ZNF567: variants seen among roughly 807,000 people sequenced by gnomAD.
The protein encoded by ZNF567 is zinc finger protein 567.
A neutral mutation model predicts 53.9 loss-of-function variants in ZNF567; 36 were observed. The observed-to-expected ratio is 0.67, with a 90% CI of 0.51 to 0.88. The LOEUF is 0.88. Among genes scored for constraint, ZNF567 ranks in the 40% least tolerant of loss-of-function variants. The pLI is 0.00. For missense variants in ZNF567, 619 were observed against 764.7 expected, an observed-to-expected ratio of 0.81 and a Z score of 2.25; for synonymous variants, 224 against 260.4, an observed-to-expected ratio of 0.86 and a Z score of 1.35.
Position 36,719,101 on chromosome 19 carries a change from A to T in ZNF567, c.377A>T (p.Asn126Ile). 1.2e-6 allele frequency: 2 copies of T among 1,611,440 alleles called. No homozygotes were observed. Among genetic ancestry groups the T allele is most frequent in the African/African-American group, 2.7e-5 (2 of 74,876 alleles). Residue 126 changes from asparagine to isoleucine, a missense_variant, in exon 6 of 6, where the codon AAT becomes ATT. Transcript: ENST00000682579. Reference protein sequence around the residue: ...KTFTLGKNPVNSKNLPPEYDT... With the variant: ...KTFTLGKNPVISKNLPPEYDT... ...TTTACTCTAGGCAAAAACCCTGTGA[A>T]TTCAAAAAATCTACCTCCTGAATAT...
rs567057750 is a variant in ZNF567 at position 36,702,419 on chromosome 19, C to T, written c.9+7543C>T. Among the ~76,000 whole-genome samples, 1,310 of 151,694 alleles carry T rather than the reference C, an allele frequency of 8.6e-3. 5 individuals carry two copies. Among genetic ancestry groups the T allele is most frequent in the Non-Finnish European group, 0.014 (940 of 67,866 alleles). ...TTATGTGTCTTGGAGTTGCTCTTCT[C>T]GAGGAGTATCTTTGTGGCATTCTCT... On this transcript the variant is annotated intron_variant, in intron 3 of 5. Transcript: ENST00000682579.
intron 3 of ZNF567, among the ~76,000 whole-genome samples, chr19:36,697,888 G>A (rs149711164): frequency 1.5e-3 from 227 of 151,038 alleles, no homozygotes; most frequent in Non-Finnish European, 2.7e-3. Context: ...TGGCATTACA[G>A]GTGTGAGCCA....
the ZNF567 span, among the ~76,000 whole-genome samples, chr19:36,673,392 G>T: frequency 1.3e-5 from 2 of 152,154 alleles, no homozygotes; most frequent in African/African-American, 2.4e-5. Context: ...TTCTGTGAAA[G>T]GTGTTTTTTT....
chr19:36,727,382 A>AT (rs566213603), downstream of ZNF567: 43,871 of 136,396 alleles, frequency 0.32, 6,996 homozygotes, highest in East Asian at 0.58. Flanking sequence ...AAGTAGAGCA[A>AT]TTTTTTTTTT....
intron 5 of ZNF567, chr19:36,714,436 A>G (rs562889669): frequency 7.3e-5 from 29 of 398,416 alleles, no homozygotes; most frequent in Middle Eastern, 1.3e-3. Flanking sequence ...TGCTGGGATT[A>G]CAGGCTTGAG....
At chr19:36,712,540 G>A (rs2039843830) in intron 4 of ZNF567, 28 bp downstream of exon 4, 8 of 1,613,808 alleles carry the variant, frequency 5.0e-6, no homozygotes, top group Non-Finnish European at 6.8e-6. Context: ...TGAAACTTTA[G>A]TAGCATGCAC....
At chr19:36,676,434 G>C in the ZNF567 span, among the ~76,000 whole-genome samples, 1 of 151,170 alleles carries the variant, frequency 6.6e-6, no homozygotes, top group African/African-American at 2.4e-5. Context: ...TTTTAAACTA[G>C]TATATTCCTG....
At chr19:36,693,197 A>G (rs1341938534) in intron 2 of ZNF567, among the ~76,000 whole-genome samples, 1 of 151,968 alleles carries the variant, frequency 6.6e-6, no homozygotes, top group Non-Finnish European at 1.5e-5. Flanking sequence ...CTGAGATAGG[A>G]GGATCACTTG....
At chr19:36,725,846 C>T (rs1489149970), downstream of ZNF567, among the ~76,000 whole-genome samples, 2 of 152,136 alleles carry the variant, frequency 1.3e-5, no homozygotes, top group East Asian at 1.9e-4. Context: ...ATGGTATCAC[C>T]GTGTTGTCCA....
At chr19:36,705,810 T>G in intron 3 of ZNF567, among the ~76,000 whole-genome samples, 1 of 152,234 alleles carries the variant, frequency 6.6e-6, no homozygotes, top group East Asian at 1.9e-4. Flanking sequence ...CATTTATATT[T>G]AGGATTGTTG....
chr19:36,677,279 G>A, the ZNF567 span, among the ~76,000 whole-genome samples: 1 of 149,694 alleles, frequency 6.7e-6, no homozygotes, highest in East Asian at 2.0e-4. Context: ...CCAACATAGT[G>A]AAACCCTGTC....
At chr19:36,723,349 C>A, downstream of ZNF567, 1 of 679,570 alleles carries the variant, frequency 1.5e-6, no homozygotes, top group Non-Finnish European at 2.7e-6. Context: ...TCTGTGGCAT[C>A]ACTGCATGTG....
chr19:36,686,841 C>T (rs1463183379), upstream of ZNF567: 1 of 152,164 alleles, frequency 6.6e-6, no homozygotes, highest in Non-Finnish European at 1.5e-5. Flanking sequence ...GCTGGGAACT[C>T]AGAGATGCAG....
chr19:36,693,742 C>CT (rs1221259522), intron 2 of ZNF567, among the ~76,000 whole-genome samples: 1 of 152,114 alleles, frequency 6.6e-6, no homozygotes, highest in East Asian at 1.9e-4. Context: ...CCCAGCTCTA[C>CT]TTAGATATAT....
chr19:36,719,024 C>G lies in ZNF567; in HGVS notation c.300C>G (p.Ser100Arg), dbSNP rs2040193849. Residue 100 changes from serine (S) to arginine (R), a missense_variant, in exon 6 of 6, where the codon AGC becomes AGG. Physicochemically the swap from Ser to Arg is moderately radical, Grantham distance 110. Coordinates refer to ENST00000682579, the MANE Select transcript of ZNF567 (RefSeq NM_001322917.1). ...HQEKYSRSVV[S>R]INHKKLVKEK... ...AGAAGTATTCTAGATCAGTTGTAAG[C>G]ATCAACCACAAAAAACTGGTGAAGG... The G allele has an allele frequency of 6.2e-7, 1 of 1,610,408 alleles. No homozygotes were observed. Among genetic ancestry groups the G allele is most frequent in the Non-Finnish European group, 8.5e-7 (1 of 1,178,862 alleles).
chr19:36,682,660 A>T (rs1173479234), upstream of ZNF567, among the ~76,000 whole-genome samples: 2 of 140,300 alleles, frequency 1.4e-5, no homozygotes, highest in African/African-American at 2.7e-5. Context: ...CAAGCTGGGG[A>T]GCAGCGGCAC....
At chr19:36,667,201 G>T in the ZNF567 span, among the ~76,000 whole-genome samples, 262 of 152,254 alleles carry the variant, frequency 1.7e-3, no homozygotes, top group African/African-American at 6.1e-3. Context: ...ATGAACTGAC[G>T]GTGAGGGTGT....
downstream of ZNF567, among the ~76,000 whole-genome samples, chr19:36,723,766 G>A (rs539877051): frequency 6.6e-6 from 1 of 152,176 alleles, no homozygotes; most frequent in Admixed American, 6.5e-5. Context: ...CCCAGTAGGT[G>A]GAGGTTGCAG....
In ZNF567 at chr19:36,701,184, A is replaced by T. The variant is rs560352351; in HGVS notation, c.9+6308A>T. Among the ~76,000 whole-genome samples, 5 of 152,192 alleles carry T rather than the reference A, an allele frequency of 3.3e-5. No homozygotes were observed. In the East Asian group the frequency reaches 5.8e-4, roughly 18 times the overall value. ...TCTGCCTTCATTTCATTATGTACCCAGTAGTCATTCAGGAGCAGGTTGTTC... is the reference window on the plus strand; with the variant it reads ...TCTGCCTTCATTTCATTATGTACCCTGTAGTCATTCAGGAGCAGGTTGTTC... On this transcript the variant is annotated intron_variant, in intron 3 of 5. Transcript: ENST00000682579.
Sources: allele counts gnomAD v4.1 joint callset (sites outside exome capture counted in the v4.1 genomes callset), GRCh38; gene constraint gnomAD v4.1.1; transcripts MANE v1.5; gene names NCBI Gene and HGNC (gene_info 2026-07-23, HGNC 2026-07-21).